Variants in PIK3CB observed in about 807,000 individuals in gnomAD.
PIK3CB encodes phosphatidylinositol 4,5-bisphosphate 3-kinase catalytic subunit beta isoform.
A neutral mutation model predicts 136.8 loss-of-function variants in PIK3CB; 39 were observed. That is an observed-to-expected ratio of 0.29 (90% CI 0.22 to 0.37). PIK3CB has a LOEUF of 0.37. PIK3CB is among the 10% of genes least tolerant of loss of function. The pLI is 1.00. For missense variants in PIK3CB, 868 were observed against 1,275.4 expected (o/e 0.68, Z 4.87); for synonymous variants, 428 against 436.6 (o/e 0.98, Z 0.25).
At chr3:138,734,570 C>T (rs2045061069) in intron 7 of PIK3CB, 64 bp downstream of exon 7, 8 of 1,247,540 alleles carry the variant, frequency 6.4e-6, no homozygotes, top group African/African-American at 1.5e-5. Flanking sequence ...ATGTGTGAAA[C>T]TTATGTAAAC....
chr3:138,760,078 T>C (rs1420121489), intron 2 of PIK3CB, among the ~76,000 whole-genome samples: 1 of 152,220 alleles, frequency 6.6e-6, no homozygotes, highest in Non-Finnish European at 1.5e-5. Flanking sequence ...CCTGCCACCA[T>C]GCCTGGCTAA....
At chr3:138,826,434 G>A in intron 1 of PIK3CB, 1 of 872,466 alleles carries the variant, frequency 1.1e-6, no homozygotes, top group Non-Finnish European at 1.8e-6. Context: ...TAAATGACTG[G>A]TTAATGATAA....
chr3:138,780,373 T>C (rs888270459), intron 2 of PIK3CB, among the ~76,000 whole-genome samples: 13 of 151,778 alleles, frequency 8.6e-5, no homozygotes, highest in African/African-American at 2.9e-4. Context: ...AGGGTTCAAG[T>C]GATTCTCCTG....
At chr3:138,809,194 T>A (rs1576425745) in intron 1 of PIK3CB, among the ~76,000 whole-genome samples, 1 of 146,928 alleles carries the variant, frequency 6.8e-6, no homozygotes, top group African/African-American at 2.5e-5. Context: ...AGGAGAATCG[T>A]TTGAACCCGA....
rs542807131 is a variant in PIK3CB, at chr3:138,830,294, A to G, written c.-122+4401T>C. On this transcript the variant is annotated intron_variant, in intron 1 of 23. Transcript: ENST00000674063. ...CCCAGGCGCGGTGGCTCACCTCTGT[A>G]ATCCCAGCACTTTGGAAGGACGAGG... Among the ~76,000 whole-genome samples, 8 of 152,340 alleles carry G rather than the reference A, an allele frequency of 5.3e-5. No individual in the cohort carries two copies. The South Asian group carries it at 1.7e-3, about 32-fold the overall frequency.
intron 8 of PIK3CB, among the ~76,000 whole-genome samples, chr3:138,732,443 C>T (rs1050240163): frequency 6.6e-6 from 1 of 152,120 alleles, no homozygotes; most frequent in Non-Finnish European, 1.5e-5. Flanking sequence ...TGGCAAGGGG[C>T]TCCTGAATAT....
intron 23 of PIK3CB, among the ~76,000 whole-genome samples, 177 bp from the exon 24 acceptor site, chr3:138,655,703 T>C (rs574112982): frequency 6.6e-6 from 1 of 152,294 alleles, no homozygotes; most frequent in South Asian, 2.1e-4. Context: ...GGAGATAATA[T>C]GACTTCTTCC....
intron 2 of PIK3CB, among the ~76,000 whole-genome samples, chr3:138,791,330 A>G (rs1436060521): frequency 1.3e-5 from 2 of 151,992 alleles, no homozygotes; most frequent in Non-Finnish European, 2.9e-5. Flanking sequence ...TTTTGTAGTG[A>G]TGGGGTTTTA....
chr3:138,829,474 G>A (rs902192000), intron 1 of PIK3CB, among the ~76,000 whole-genome samples: 17 of 152,150 alleles, frequency 1.1e-4, no homozygotes, highest in African/African-American at 4.1e-4. Flanking sequence ...AACATATGTG[G>A]GATATATTTT....
At chr3:138,777,526 G>A (rs896680338) in intron 2 of PIK3CB, among the ~76,000 whole-genome samples, 19 of 152,070 alleles carry the variant, frequency 1.2e-4, no homozygotes, top group Non-Finnish European at 1.9e-4. Context: ...TCCCTCAGAC[G>A]TCATGTTTTT....
At position 138,665,188 on chromosome 3, in the gene PIK3CB, G is replaced by A. The variant is rs763909615; in HGVS notation, c.2520C>T (p.Gly840=). The A allele has an allele frequency of 1.2e-6, 2 of 1,603,328 alleles. No individual in the cohort carries two copies. The highest frequency in any genetic ancestry group is 4.5e-5 in the East Asian group (2 of 44,652). ...CAGAGCGATCTCCTGTTGCTAAACA[G>A]CCATAAGGCAACATCCTGGAAGGAA... ...AGLDLRMLPY[G]CLATGDRSGL... Residue 840 remains glycine (G), a synonymous_variant, in exon 20 of 24, where the codon GGC becomes GGT. Transcript: ENST00000674063.
intron 12 of PIK3CB, among the ~76,000 whole-genome samples, chr3:138,700,452 G>A (rs994782701): frequency 1.3e-5 from 2 of 152,102 alleles, no homozygotes; most frequent in African/African-American, 4.8e-5. Flanking sequence ...AGAGACAAGA[G>A]ACAGCTTAAA....
chr3:138,717,127 G>A (rs899407846), intron 8 of PIK3CB, among the ~76,000 whole-genome samples: 1 of 150,694 alleles, frequency 6.6e-6, no homozygotes, highest in Non-Finnish European at 1.5e-5. Context: ...GGTGGCACAC[G>A]CCTGCAGTCC....
At chr3:138,782,219 T>C (rs1468564241) in intron 2 of PIK3CB, among the ~76,000 whole-genome samples, 1 of 152,240 alleles carries the variant, frequency 6.6e-6, no homozygotes, top group African/African-American at 2.4e-5. Context: ...CCATTTGCTA[T>C]AAGGCCATGA....
intron 1 of PIK3CB, among the ~76,000 whole-genome samples, chr3:138,828,033 A>C (rs1290295388): frequency 6.6e-6 from 1 of 151,594 alleles, no homozygotes; most frequent in Non-Finnish European, 1.5e-5. Context: ...TAGAATAATA[A>C]CTCTAGGGTC....
At chr3:138,736,387 C>T (rs2045103615) in intron 6 of PIK3CB, among the ~76,000 whole-genome samples, 1 of 152,210 alleles carries the variant, frequency 6.6e-6, no homozygotes, top group African/African-American at 2.4e-5. Flanking sequence ...TCCATATTCT[C>T]AAACACATAT....
rs531239918 is a variant in PIK3CB, at chr3:138,740,028, C to T, written c.622-2142G>A. 5.3e-5 allele frequency among the ~76,000 whole-genome samples: 8 copies of T among 151,960 alleles called. No homozygotes were observed. In the East Asian group the frequency reaches 1.6e-3, roughly 30 times the overall value. On this transcript the variant is annotated intron_variant, in intron 5 of 23. Transcript: ENST00000674063. ...CAATCCTCATAAGACACGGAATGAACTGGTGCCTTGATCTTGGACTTCCCA... is the reference window on the plus strand; with the variant it reads ...CAATCCTCATAAGACACGGAATGAATTGGTGCCTTGATCTTGGACTTCCCA...
At position 138,714,581 on chromosome 3, in the gene PIK3CB, T is replaced by C. The variant is rs776141499; in HGVS notation, c.1189A>G (p.Met397Val). The change falls in exon 9 of 24, where the codon ATG (methionine) becomes GTG (valine). Residue 397 changes from methionine (M) to valine (V), a missense_variant. This residue lies in a region of PIK3CB where 612 missense variants were observed against 801.1 expected (regional missense o/e 0.76). Coordinates refer to ENST00000674063, the MANE Select transcript of PIK3CB (RefSeq NM_006219.3). Reference protein sequence around the residue: ...FDINICDLPRMARLCFAVYAV... With the variant: ...FDINICDLPRVARLCFAVYAV... ...TAAACAGCAAAACATAATCGAGCCA[T>C]TCTTGGTAAGTCACAAATATTAATA... 1.2e-6 allele frequency: 2 copies of C among 1,613,768 alleles called. No homozygotes were observed. Among genetic ancestry groups the C allele is most frequent in the Non-Finnish European group, 1.7e-6 (2 of 1,179,782 alleles).
intron 1 of PIK3CB, among the ~76,000 whole-genome samples, chr3:138,813,641 T>G (rs1933175038): frequency 6.6e-6 from 1 of 151,962 alleles, no homozygotes; most frequent in African/African-American, 2.4e-5. Context: ...ACAGTCTCGA[T>G]CTCCTGACCT....
Sources: gnomAD v4.1 joint callset for allele counts (sites outside exome capture counted in the v4.1 genomes callset) on GRCh38, gnomAD v4.1.1 for gene constraint, gnomAD v4.1.1 regional missense constraint, MANE v1.5 for transcripts, NCBI Gene and HGNC (gene_info 2026-07-23, HGNC 2026-07-21) for gene names.